Variants in SGCD observed in about 807,000 individuals in gnomAD.
SGCD encodes the protein delta-sarcoglycan.
A neutral mutation model predicts 36.6 loss-of-function variants in SGCD; 18 were observed. The observed-to-expected ratio is 0.49, with a 90% CI of 0.34 to 0.73. SGCD has a LOEUF of 0.73. Among genes scored for constraint, SGCD ranks in the 30% least tolerant of loss-of-function variants. The pLI is 0.01. For synonymous variants in SGCD, 133 were observed against 130.6 expected (o/e 1.02, Z -0.12); for missense variants, 387 against 346.7 (o/e 1.12, Z -0.92).
In SGCD at chr5:156,759,563, T is replaced by G. The variant is rs766108625; in HGVS notation, c.*173T>G. 26 of 182,632 alleles carry G rather than the reference T, an allele frequency of 1.4e-4. No homozygotes were observed. Among genetic ancestry groups the G allele is most frequent in the Non-Finnish European group, 2.3e-4 (21 of 91,178 alleles). The allele number at this position is 182,632 out of a possible 1,614,324, so 11.3% of individuals were successfully genotyped here. A position where few individuals can be genotyped will look rare whatever the true frequency, so the allele number is the denominator to read the frequency against. On this transcript the variant is annotated 3_prime_UTR_variant, in exon 9 of 9. Coordinates refer to ENST00000337851, the MANE Select transcript of SGCD (RefSeq NM_000337.6). ...GCGTGTGTGGGTGGATATAAATATA[T>G]ATAAATATATATAAATAAATATATA...
chr5:155,794,162 G>A, the SGCD span, among the ~76,000 whole-genome samples: 1 of 152,152 alleles, frequency 6.6e-6, no homozygotes, highest in East Asian at 1.9e-4. Flanking sequence ...ATTACTACAA[G>A]TTCAGTCCAG....
At chr5:156,154,647 C>T (rs1166832445) in intron 3 of SGCD, among the ~76,000 whole-genome samples, 1 of 151,502 alleles carries the variant, frequency 6.6e-6, no homozygotes, top group African/African-American at 2.4e-5. Context: ...ATCATAAGAA[C>T]CATGGGAGAC....
rs1554114867 is a variant in SGCD at position 156,054,281 on chromosome 5, CT to C, written c.-281-63595del. On this transcript the variant is annotated intron_variant, in intron 1 of 9. Coordinates refer to the SGCD transcript ENST00000517913. ...TTAAACCAATTAAACATGAACTTTC[CT>C]TCTTTTTTTTTTTTTTTTTTTGAGA... 1.9e-5 allele frequency among the ~76,000 whole-genome samples: 2 copies of C among 104,438 alleles called. 1 individual carries two copies. Among genetic ancestry groups the C allele is most frequent in the Non-Finnish European group, 3.9e-5 (2 of 51,720 alleles). 68.5% of individuals were successfully genotyped at this position (104,438 alleles called of 152,430 possible).
At chr5:156,637,025 A>G (rs1389034819) in intron 6 of SGCD, among the ~76,000 whole-genome samples, 1 of 152,100 alleles carries the variant, frequency 6.6e-6, no homozygotes, top group Admixed American at 6.6e-5. Flanking sequence ...CTCATCTTGA[A>G]TTGTAGTTCC....
chr5:156,201,336 T>C (rs1349569754), intron 3 of SGCD, among the ~76,000 whole-genome samples: 1 of 152,192 alleles, frequency 6.6e-6, no homozygotes, highest in African/African-American at 2.4e-5. Flanking sequence ...GTATGTTTGA[T>C]ATTTTGAAAA....
the SGCD span, among the ~76,000 whole-genome samples, chr5:155,735,117 A>C: frequency 6.6e-6 from 1 of 152,230 alleles, no homozygotes; most frequent in Non-Finnish European, 1.5e-5. Flanking sequence ...TGTGGTTCAG[A>C]AAAAGTGGCC....
At chr5:155,856,763 C>A in the SGCD span, among the ~76,000 whole-genome samples, 2 of 152,048 alleles carry the variant, frequency 1.3e-5, no homozygotes, top group South Asian at 4.1e-4. Context: ...TAATTTAGTT[C>A]TTAGAGAAAT....
At chr5:156,599,596 AGGACAAT>A (rs1416164188) in intron 6 of SGCD, among the ~76,000 whole-genome samples, 1 of 152,210 alleles carries the variant, frequency 6.6e-6, no homozygotes, top group African/African-American at 2.4e-5. Context: ...TTCAGTTTTT[AGGACAAT>A]GACAACCTTG....
the SGCD span, among the ~76,000 whole-genome samples, chr5:155,861,606 T>C: frequency 6.9e-4 from 105 of 152,312 alleles, no homozygotes; most frequent in Non-Finnish European, 1.2e-3. Context: ...TAGTCCCAGC[T>C]ACTCAGGAGG....
intron 3 of SGCD, among the ~76,000 whole-genome samples, chr5:156,306,225 CGA>C (rs1767208732): frequency 6.6e-6 from 1 of 152,084 alleles, no homozygotes; most frequent in South Asian, 2.1e-4. Flanking sequence ...CCATGTATTG[CGA>C]GAGACACCTG....
At chr5:156,736,582 G>A (rs1756378696) in intron 7 of SGCD, among the ~76,000 whole-genome samples, 1 of 152,028 alleles carries the variant, frequency 6.6e-6, no homozygotes, top group South Asian at 2.1e-4. Context: ...CAATTCAATG[G>A]AAAGTTTTAA....
At chr5:156,718,621 G>GA (rs1387994374) in intron 7 of SGCD, among the ~76,000 whole-genome samples, 3 of 151,386 alleles carry the variant, frequency 2.0e-5, no homozygotes, top group African/African-American at 4.9e-5. Context: ...CTCATAAAAA[G>GA]AAAAAAATAT....
At chr5:155,911,078 A>G (rs1326903903) in intron 1 of SGCD, among the ~76,000 whole-genome samples, 1 of 152,098 alleles carries the variant, frequency 6.6e-6, no homozygotes, top group Non-Finnish European at 1.5e-5. Flanking sequence ...GATCACAAAC[A>G]TGATACTACC....
intron 1 of SGCD, among the ~76,000 whole-genome samples, chr5:155,984,380 G>A (rs957181215): frequency 5.3e-5 from 8 of 152,132 alleles, no homozygotes; most frequent in Admixed American, 2.6e-4. Flanking sequence ...GGAGAGGCCT[G>A]TACTTTGTTT....
At chr5:155,927,306 T>C (rs1757012154) in intron 1 of SGCD, among the ~76,000 whole-genome samples, 1 of 152,132 alleles carries the variant, frequency 6.6e-6, no homozygotes, top group South Asian at 2.1e-4. Flanking sequence ...CTGAAATGCA[T>C]TGGAATGTGA....
intron 1 of SGCD, among the ~76,000 whole-genome samples, chr5:156,028,977 T>A (rs1176838652): frequency 6.6e-6 from 1 of 152,112 alleles, no homozygotes; most frequent in African/African-American, 2.4e-5. Flanking sequence ...GGAGGAAATT[T>A]GGGGAAAATT....
chr5:156,546,543 G>A (rs1391935445), intron 4 of SGCD, among the ~76,000 whole-genome samples: 1 of 152,094 alleles, frequency 6.6e-6, no homozygotes, highest in Non-Finnish European at 1.5e-5. Flanking sequence ...GAAAGAAATT[G>A]TAGTGCTGGA....
intron 3 of SGCD, among the ~76,000 whole-genome samples, chr5:156,376,043 G>T (rs1770651487): frequency 6.6e-6 from 1 of 152,122 alleles, no homozygotes; most frequent in South Asian, 2.1e-4. Flanking sequence ...TCATATCAGT[G>T]CTTAACCGTG....
intron 7 of SGCD, among the ~76,000 whole-genome samples, chr5:156,743,738 G>C (rs1222580692): frequency 6.6e-6 from 1 of 152,200 alleles, no homozygotes; most frequent in Non-Finnish European, 1.5e-5. Flanking sequence ...TAAGTCTTTA[G>C]AGTAGAAGCC....
Sources: gnomAD v4.1 joint callset for allele counts (sites outside exome capture counted in the v4.1 genomes callset) on GRCh38, gnomAD v4.1.1 for gene constraint, MANE v1.5 for transcripts, NCBI Gene and HGNC (gene_info 2026-07-23, HGNC 2026-07-21) for gene names.